The following AGAP3 variants were observed in gnomAD, a reference collection of about 807,000 sequenced individuals.
AGAP3 encodes arf-GAP with GTPase, ANK repeat and PH domain-containing protein 3.
In AGAP3, 24 loss-of-function variants were observed where a neutral mutation model predicts 96.9. The observed-to-expected ratio is 0.25, with a 90% CI of 0.18 to 0.35. The LOEUF is 0.35. AGAP3 is among the 10% of genes least tolerant of loss of function. The pLI is 1.00. For missense variants in AGAP3, 876 were observed against 1,254.2 expected (o/e 0.70, Z 4.55); for synonymous variants, 563 against 536.1 (o/e 1.05, Z -0.69).
intron 1 of AGAP3, among the ~76,000 whole-genome samples, chr7:151,097,517 CAAAAA>C (rs67915216): frequency 1.0e-5 from 1 of 95,668 alleles, no homozygotes; most frequent in Non-Finnish European, 2.3e-5. Context: ...GACTCTGTCT[CAAAAA>C]AAAAAAAAAA....
chr7:151,101,785 C>T (rs1235098169), intron 1 of AGAP3, among the ~76,000 whole-genome samples: 1 of 152,190 alleles, frequency 6.6e-6, no homozygotes, highest in Non-Finnish European at 1.5e-5. Context: ...GGCAGGAAGC[C>T]AGGGTCTCGG....
chr7:151,117,915 T>G, intron 5 of AGAP3, 138 bp downstream of exon 5: 1 of 1,223,180 alleles, frequency 8.2e-7, no homozygotes, highest in Non-Finnish European at 1.1e-6. Flanking sequence ...CTCAGCACTC[T>G]CCGTGCTGCT....
chr7:151,087,444 TC>T (rs1798205888), intron 1 of AGAP3, among the ~76,000 whole-genome samples: 2 of 152,218 alleles, frequency 1.3e-5, no homozygotes, highest in South Asian at 4.1e-4. Context: ...CGGGCCCTGC[TC>T]CGCAGTGGGG....
At position 151,086,669 on chromosome 7, in the gene AGAP3, TGCCGCCGCC is replaced by T. The variant is rs570588152; in HGVS notation, c.-57_-49del. 26 of 158,912 alleles carry T rather than the reference TGCCGCCGCC, an allele frequency of 1.6e-4. No individual in the cohort carries two copies. The East Asian group carries it at 3.2e-3, about 20-fold the overall frequency. The allele number at this position is 158,912 out of a possible 1,614,324, so 9.8% of individuals were successfully genotyped here. A position where few individuals can be genotyped will look rare whatever the true frequency, so the allele number is the denominator to read the frequency against. ...CCAGCCCCGCGCTCCCGCTCGCCGCTGCCGCCGCCGCCGCCGCCGCCGCCTCCGCCGCGC... is the reference window on the plus strand; with the variant it reads ...CCAGCCCCGCGCTCCCGCTCGCCGCTGCCGCCGCCGCCGCCTCCGCCGCGC... On this transcript the variant is annotated 5_prime_UTR_variant, in exon 1 of 18. Coordinates refer to ENST00000397238, the MANE Select transcript of AGAP3 (RefSeq NM_031946.7).
chr7:151,115,392 C>T (rs1220887811), intron 1 of AGAP3: 2 of 1,020,384 alleles, frequency 2.0e-6, no homozygotes, highest in Non-Finnish European at 1.2e-6. Context: ...GTCAGGGCTG[C>T]TGGCCCGGCC....
chr7:151,117,339 C>T (rs372739605), intron 3 of AGAP3, 32 bp from the exon 4 acceptor site: 5 of 1,613,112 alleles, frequency 3.1e-6, no homozygotes, highest in Admixed American at 3.3e-5. Context: ...TCTTTCTCCA[C>T]ACTTTGGACC....
chr7:151,088,851 TC>T (rs1451642957), intron 1 of AGAP3, among the ~76,000 whole-genome samples: 1 of 152,154 alleles, frequency 6.6e-6, no homozygotes, highest in Non-Finnish European at 1.5e-5. Flanking sequence ...AGGCAGAATT[TC>T]CCCTCCTAGA....
chr7:151,140,193 C>CTATTTTT lies in AGAP3; in HGVS notation c.1804+86_1804+92dup, dbSNP rs1166190603. ...GGGGATAGTACCCTAAAAGTAACAC[C>CTATTTTT]TATTTTTTATTTTTTGTATTCAGTG... is the stretch of plus-strand genomic sequence containing the variant. On this transcript the variant is annotated intron_variant, in intron 13 of 17. Transcript: ENST00000397238. This position sits in a 1 kb window ranked among gnomAD's most constrained non-coding sequence, Gnocchi z 5.4. The CTATTTTT allele has an allele frequency of 5.2e-5, 69 of 1,333,308 alleles. No individual in the cohort carries two copies. In the African/African-American group the frequency reaches 7.8e-4, roughly 15 times the overall value. 82.6% of individuals were successfully genotyped at this position (1,333,308 alleles called of 1,614,324 possible).
chr7:151,115,441 C>T, intron 1 of AGAP3: 1 of 1,010,608 alleles, frequency 9.9e-7, no homozygotes, highest in East Asian at 9.2e-5. Flanking sequence ...GACGCCGGCT[C>T]CCTAGGCGCC....
chr7:151,126,927 G>A (rs1020806526), intron 9 of AGAP3, among the ~76,000 whole-genome samples: 3 of 152,234 alleles, frequency 2.0e-5, no homozygotes, highest in Admixed American at 2.0e-4. Flanking sequence ...CTCCCAGCCC[G>A]CATGCTCGCA....
At position 151,096,536 on chromosome 7, in the gene AGAP3, G is replaced by A. The variant is rs1227491004; in HGVS notation, c.331+9464G>A. Reference sequence around the variant, plus strand: ...CGCCCAGGCTGGAGTGCAGTGGCGCGATCTCGGCTCACTGCAACCTCTGCC... The same window carrying A: ...CGCCCAGGCTGGAGTGCAGTGGCGCAATCTCGGCTCACTGCAACCTCTGCC... On this transcript the variant is annotated intron_variant, in intron 1 of 17. Transcript: ENST00000397238. This position sits in a 1 kb window ranked among gnomAD's most constrained non-coding sequence, Gnocchi z 4.4. Among the ~76,000 whole-genome samples, 2 of 151,338 alleles carry A rather than the reference G, an allele frequency of 1.3e-5. No individual in the cohort carries two copies. The highest frequency in any genetic ancestry group is 2.1e-4 in the South Asian group (1 of 4,798).
At chr7:151,123,162 G>T in intron 8 of AGAP3, 1 of 1,083,398 alleles carries the variant, frequency 9.2e-7, no homozygotes, top group South Asian at 3.0e-5. Context: ...CTTCCTGCAT[G>T]GACCTCTGCC....
rs745598552 is a variant in AGAP3 at position 151,138,257 on chromosome 7, G to T, written c.1610G>T (p.Ser537Ile). The change falls in exon 12 of 18, where the codon AGC (serine) becomes ATC (isoleucine). Residue 537 changes from serine (S) to isoleucine (I), a missense_variant. Ser to Ile is a moderately radical substitution (Grantham distance 142). Around this residue, in one of 8 missense-constraint regions of AGAP3, gnomAD observed 155 missense variants for 144.4 expected, o/e 1.07. Transcript: ENST00000397238. ...CACCAGCGCTCCTGCTCCGTTTCCA[G>T]CGCCGACCAGTGGAGTGAGGCCACC... ...GLHQRSCSVS[S>I]ADQWSEATTS... 2 of 1,612,910 alleles carry T rather than the reference G, an allele frequency of 1.2e-6. No homozygotes were observed. The highest frequency in any genetic ancestry group is 4.5e-5 in the East Asian group (2 of 44,872).
intron 1 of AGAP3, among the ~76,000 whole-genome samples, chr7:151,095,644 G>A (rs1322209987): frequency 2.1e-5 from 3 of 144,226 alleles, no homozygotes. Context: ...GCACTTCTGT[G>A]CCTGGAGGAG....
In AGAP3 at chr7:151,112,399, G is replaced by A. The variant is rs370795461; in HGVS notation, c.332-4394G>A. On this transcript the variant is annotated intron_variant, in intron 1 of 17. Coordinates refer to ENST00000397238, the MANE Select transcript of AGAP3 (RefSeq NM_031946.7). ...TTGCTGCCTGCCTTCCCCGAGACGT[G>A]TGTGTGTGTGTGTGTGTGTGTGTGT... 1.8e-3 allele frequency among the ~76,000 whole-genome samples: 116 copies of A among 65,156 alleles called. 1 individual carries two copies. Among genetic ancestry groups the A allele is most frequent in the African/African-American group, 0.015 (103 of 6,928 alleles). The allele number at this position is 65,156 out of a possible 152,430, so 42.7% of individuals were successfully genotyped here. A position where few individuals can be genotyped will look rare whatever the true frequency, so the allele number is the denominator to read the frequency against.
chr7:151,143,795 G>A lies in AGAP3; in HGVS notation c.2588G>A (p.Arg863His), dbSNP rs750134704. Reference protein sequence around the residue: ...ARGLTPLAYARRAGSQECADI... With the variant: ...ARGLTPLAYAHRAGSQECADI... ...GGCCTGACTCCACTGGCATATGCTC[G>A]CCGGGCCGGCAGCCAGGAGTGTGCA... is the stretch of plus-strand genomic sequence containing the variant. The change falls in exon 18 of 18, where the codon CGC becomes CAC. Residue 863 changes from arginine (R) to histidine (H), a missense_variant. Physicochemically the swap from Arg to His is conservative, Grantham distance 29. Around this residue, in one of 8 missense-constraint regions of AGAP3, gnomAD observed 213 missense variants for 253.8 expected, o/e 0.84. Coordinates refer to ENST00000397238, the MANE Select transcript of AGAP3 (RefSeq NM_031946.7). The surrounding 1 kb of genome is among the most constrained non-coding windows in gnomAD (Gnocchi z 5.9). 1.1e-5 allele frequency: 17 copies of A among 1,613,960 alleles called. No homozygotes were observed. Among genetic ancestry groups the A allele is most frequent in the African/African-American group, 2.7e-5 (2 of 74,926 alleles).
Position 151,142,303 on chromosome 7 carries a change from C to T in AGAP3, c.2050+50C>T, listed in dbSNP as rs1205772206. On this transcript the variant is annotated intron_variant, in intron 15 of 17. Coordinates refer to ENST00000397238, the MANE Select transcript of AGAP3 (RefSeq NM_031946.7). The surrounding 1 kb of genome is among the most constrained non-coding windows in gnomAD (Gnocchi z 7.5). ...GGAGCTGGGGATGGCCCAGGGAAAGCTTCGCAAGCATCAGGGAGCAGGGAA... is the reference window on the plus strand; with the variant it reads ...GGAGCTGGGGATGGCCCAGGGAAAGTTTCGCAAGCATCAGGGAGCAGGGAA... 1 of 1,605,256 alleles carries T rather than the reference C, an allele frequency of 6.2e-7. No individual in the cohort carries two copies. Among genetic ancestry groups the T allele is most frequent in the Admixed American group, 1.7e-5 (1 of 59,808 alleles).
intron 8 of AGAP3, among the ~76,000 whole-genome samples, chr7:151,122,453 C>A (rs569975422): frequency 1.3e-5 from 2 of 152,180 alleles, no homozygotes; most frequent in African/African-American, 4.8e-5. Flanking sequence ...CATACCATTC[C>A]GTGCTGAGGT....
chr7:151,111,707 G>A (rs927056313), intron 1 of AGAP3, among the ~76,000 whole-genome samples: 2 of 152,156 alleles, frequency 1.3e-5, no homozygotes, highest in African/African-American at 2.4e-5. Flanking sequence ...TCTTGAGCCC[G>A]GCTTCTGCGC....
Sources: gnomAD v4.1 joint callset for allele counts (sites outside exome capture counted in the v4.1 genomes callset) on GRCh38, gnomAD v4.1.1 for gene constraint, gnomAD v4.1.1 regional missense constraint, Gnocchi (gnomAD v3.1) non-coding constraint, MANE v1.5 for transcripts, NCBI Gene and HGNC (gene_info 2026-07-23, HGNC 2026-07-21) for gene names.